Variants in GRAMD2B observed in about 807,000 individuals in gnomAD.
The protein encoded by GRAMD2B is GRAM domain containing 2B.
In GRAMD2B, 41 loss-of-function variants were observed where a neutral mutation model predicts 59.2. The observed-to-expected ratio is 0.69, with a 90% CI of 0.54 to 0.90. GRAMD2B has a LOEUF of 0.90. GRAMD2B is among the 40% of genes least tolerant of loss of function. GRAMD2B has a pLI of 0.00. For missense variants in GRAMD2B, 424 were observed against 500.5 expected (o/e 0.85, Z 1.46); for synonymous variants, 161 against 182.7 (o/e 0.88, Z 0.96).
intron 8 of GRAMD2B, among the ~76,000 whole-genome samples, chr5:126,482,536 G>C (rs1026963865): frequency 6.6e-6 from 1 of 152,220 alleles, no homozygotes; most frequent in Non-Finnish European, 1.5e-5. Context: ...TGATGTGGCT[G>C]TGAAGATTAA....
At position 126,493,396 on chromosome 5, in the gene GRAMD2B, A is replaced by C. The variant is rs553041710; in HGVS notation, c.*440A>C. ...CAAACTCAATGTGGTCCTTTCAAGA[A>C]TTAGCCATGAGTCTCAAAAAGGCAA... On this transcript the variant is annotated 3_prime_UTR_variant, in exon 14 of 14. Transcript: ENST00000285689. 4 of 155,802 alleles carry C rather than the reference A, an allele frequency of 2.6e-5. No individual in the cohort carries two copies. The South Asian group carries it at 8.1e-4, about 31-fold the overall frequency. The allele number at this position is 155,802 out of a possible 1,614,324, so 9.7% of individuals were successfully genotyped here.
chr5:126,468,446 A>G (rs1176946605), intron 2 of GRAMD2B, among the ~76,000 whole-genome samples: 1 of 151,932 alleles, frequency 6.6e-6, no homozygotes, highest in African/African-American at 2.4e-5. Context: ...TTAAGCCCAC[A>G]TTATTCTACT....
At chr5:126,489,338 C>T (rs189445763) in intron 13 of GRAMD2B, among the ~76,000 whole-genome samples, 13 of 152,216 alleles carry the variant, frequency 8.5e-5, no homozygotes, top group African/African-American at 2.4e-4. Context: ...GGAAGATAGA[C>T]GTCATTGTTC....
intron 1 of GRAMD2B, among the ~76,000 whole-genome samples, chr5:126,394,172 G>A (rs188212133): frequency 4.6e-5 from 7 of 152,034 alleles, no homozygotes; most frequent in Admixed American, 4.6e-4. Context: ...CTACTCGGGA[G>A]GCTGAGGCAG....
intron 1 of GRAMD2B, among the ~76,000 whole-genome samples, chr5:126,444,977 C>T (rs1241480589): frequency 1.3e-5 from 2 of 152,114 alleles, no homozygotes; most frequent in Admixed American, 6.5e-5. Context: ...ATTAGTTGGC[C>T]GAGAATGATG....
At chr5:126,370,834 A>G (rs1455172341), upstream of GRAMD2B, among the ~76,000 whole-genome samples, 1 of 152,222 alleles carries the variant, frequency 6.6e-6, no homozygotes, top group African/African-American at 2.4e-5. Flanking sequence ...AAAATATGCA[A>G]CCTGAATATT....
chr5:126,466,528 C>A (rs1233478342), intron 2 of GRAMD2B, among the ~76,000 whole-genome samples: 1 of 151,986 alleles, frequency 6.6e-6, no homozygotes, highest in Non-Finnish European at 1.5e-5. Flanking sequence ...CAGGTTCAAG[C>A]GATTCTCCTC....
At chr5:126,450,938 G>T (rs1349888529) in intron 1 of GRAMD2B, among the ~76,000 whole-genome samples, 1 of 152,246 alleles carries the variant, frequency 6.6e-6, no homozygotes, top group Non-Finnish European at 1.5e-5. Flanking sequence ...CTCTACTAGG[G>T]CAGTGCTGAG....
intron 1 of GRAMD2B, 110 bp from the exon 2 acceptor site, chr5:126,465,316 T>G (rs758999774): frequency 2.4e-5 from 37 of 1,567,008 alleles, no homozygotes; most frequent in Non-Finnish European, 2.9e-5. Flanking sequence ...AGCCTATCAG[T>G]GAGGAATGAA....
At chr5:126,487,428 A>G (rs1773142419) in intron 12 of GRAMD2B, among the ~76,000 whole-genome samples, 1 of 152,194 alleles carries the variant, frequency 6.6e-6, no homozygotes, top group African/African-American at 2.4e-5. Flanking sequence ...CAATGTGACT[A>G]GTAATTAATT....
intron 1 of GRAMD2B, among the ~76,000 whole-genome samples, chr5:126,450,059 T>C (rs900115856): frequency 3.4e-5 from 5 of 148,160 alleles, no homozygotes; most frequent in African/African-American, 1.2e-4. Context: ...TTTGATCTCT[T>C]TTTTTTTTTC....
chr5:126,489,867 A>G (rs977040077), intron 13 of GRAMD2B, among the ~76,000 whole-genome samples: 6 of 152,244 alleles, frequency 3.9e-5, no homozygotes, highest in African/African-American at 1.4e-4. Context: ...ACATCATAGT[A>G]CAGTTATGCT....
At chr5:126,397,630 A>G (rs947849345) in intron 1 of GRAMD2B, among the ~76,000 whole-genome samples, 2 of 152,190 alleles carry the variant, frequency 1.3e-5, no homozygotes, top group African/African-American at 4.8e-5. Flanking sequence ...TATTGAGACA[A>G]TCATGTGGTT....
chr5:126,445,276 C>G (rs1316897757), intron 1 of GRAMD2B, among the ~76,000 whole-genome samples: 1 of 152,172 alleles, frequency 6.6e-6, no homozygotes, highest in Non-Finnish European at 1.5e-5. Context: ...TTGCCACACT[C>G]TCTTCCACAA....
intron 13 of GRAMD2B, among the ~76,000 whole-genome samples, chr5:126,491,478 C>T (rs1010005611): frequency 5.9e-5 from 9 of 152,212 alleles, no homozygotes; most frequent in African/African-American, 2.2e-4. Context: ...CATCCTGCTA[C>T]TTCAGCTCCC....
At chr5:126,393,845 G>A (rs956848758) in intron 1 of GRAMD2B, among the ~76,000 whole-genome samples, 3 of 152,124 alleles carry the variant, frequency 2.0e-5, no homozygotes, top group Non-Finnish European at 2.9e-5. Context: ...GAAAGCATAA[G>A]ATCATAATCC....
rs73338055 is a variant in GRAMD2B at position 126,483,159 on chromosome 5, A to G, written c.736-304A>G. ...TCAGGTTTTCTCATTACGAAGTGCT[A>G]ATGAAACCTTCAGCTTCACACTGGA... On this transcript the variant is annotated intron_variant, in intron 8 of 13. Coordinates refer to ENST00000285689, the MANE Select transcript of GRAMD2B (RefSeq NM_023927.4). 2.5e-3 allele frequency among the ~76,000 whole-genome samples: 375 copies of G among 152,322 alleles called. 3 individuals are homozygous for G. Among genetic ancestry groups the G allele is most frequent in the African/African-American group, 8.6e-3 (356 of 41,578 alleles).
rs186944849 is a variant in GRAMD2B, at chr5:126,454,895, T to G, written c.84-10531T>G. Among the ~76,000 whole-genome samples the G allele has an allele frequency of 5.1e-4, 78 of 152,322 alleles. 1 individual carries two copies. The highest frequency in any genetic ancestry group is 2.1e-3 in the Admixed American group (32 of 15,290). ...GTTGACCTATTTGGGGCTCCTTTGG[T>G]TTTTTTAGATACAGTTTTCTACCTG... On this transcript the variant is annotated intron_variant, in intron 1 of 13. Transcript: ENST00000285689.
intron 1 of GRAMD2B, among the ~76,000 whole-genome samples, chr5:126,406,510 T>A (rs2149748168): frequency 6.6e-6 from 1 of 151,914 alleles, no homozygotes; most frequent in East Asian, 1.9e-4. Context: ...CCCCTAAAAG[T>A]CCTCTACCCC....
Sources: allele counts gnomAD v4.1 joint callset (sites outside exome capture counted in the v4.1 genomes callset), GRCh38; gene constraint gnomAD v4.1.1; transcripts MANE v1.5; gene names NCBI Gene and HGNC (gene_info 2026-07-23, HGNC 2026-07-21).